Variants in GMEB2 observed in about 807,000 individuals in gnomAD.
The protein encoded by GMEB2 is glucocorticoid modulatory element binding protein 2.
Under a neutral mutation model 45.7 loss-of-function variants are expected in GMEB2, and 7 were observed. The ratio of observed to expected loss-of-function variants is 0.15; its 90% confidence interval spans 0.09 to 0.29. The LOEUF is 0.29. Ranked by LOEUF, GMEB2 falls within the 10% of genes least tolerant of loss-of-function variation. The pLI, the probability that GMEB2 is intolerant of heterozygous loss-of-function variation, is 1.00. For synonymous variants in GMEB2, 322 were observed against 323.6 expected (o/e 1.00, Z 0.05); for missense variants, 582 against 739.2 (o/e 0.79, Z 2.47).
At chr20:63,626,766 C>T (rs2089677672) in intron 1 of GMEB2, among the ~76,000 whole-genome samples, 190 bp downstream of exon 1, 1 of 146,828 alleles carries the variant, frequency 6.8e-6, no homozygotes, top group African/African-American at 2.4e-5. Context: ...CCCGCCACCG[C>T]CCGCGCCGCC....
chr20:63,622,127 A>C (rs1459477238), intron 1 of GMEB2, among the ~76,000 whole-genome samples: 1 of 152,190 alleles, frequency 6.6e-6, no homozygotes, highest in Non-Finnish European at 1.5e-5. Context: ...AGACCTTGTC[A>C]CAAAAAAAAG....
intron 2 of GMEB2, among the ~76,000 whole-genome samples, chr20:63,614,540 A>T (rs573152744): frequency 6.6e-6 from 1 of 151,640 alleles, no homozygotes; most frequent in African/African-American, 2.4e-5. Flanking sequence ...TCCCCGGGGG[A>T]GTTTAGAGAA....
Position 63,589,952 on chromosome 20 carries a change from G to T in GMEB2, c.*137C>A. ...CTTCTCTCTTCTCGTGATTTGTTTTGGCGATTCCTCTCTTTGGTTCTGCAG... is the reference window on the plus strand; with the variant it reads ...CTTCTCTCTTCTCGTGATTTGTTTTTGCGATTCCTCTCTTTGGTTCTGCAG... On this transcript the variant is annotated 3_prime_UTR_variant, in exon 10 of 10. Coordinates refer to ENST00000370077, the MANE Select transcript of GMEB2 (RefSeq NM_012384.5). 1 of 609,464 alleles carries T rather than the reference G, an allele frequency of 1.6e-6. No homozygotes were observed. Among genetic ancestry groups the T allele is most frequent in the Non-Finnish European group, 2.6e-6 (1 of 380,708 alleles). 37.8% of individuals were successfully genotyped at this position (609,464 alleles called of 1,614,324 possible). A position where few individuals can be genotyped will look rare whatever the true frequency, so the allele number is the denominator to read the frequency against.
chr20:63,625,651 G>C (rs2089666074), intron 1 of GMEB2, among the ~76,000 whole-genome samples: 1 of 151,710 alleles, frequency 6.6e-6, no homozygotes, highest in African/African-American at 2.4e-5. Context: ...AGGCTGGAGT[G>C]CAATGGCACC....
At chr20:63,595,979 C>T (rs2083197184) in intron 5 of GMEB2, among the ~76,000 whole-genome samples, 1 of 152,204 alleles carries the variant, frequency 6.6e-6, no homozygotes, top group African/African-American at 2.4e-5. Context: ...CAGGCCCACG[C>T]TACGGCACTG....
chr20:63,603,115 G>C, intron 3 of GMEB2, 23 bp from the exon 4 acceptor site: 1 of 1,613,050 alleles, frequency 6.2e-7, no homozygotes, highest in Non-Finnish European at 8.5e-7. Flanking sequence ...ACATTGACAG[G>C]GAAGGGTAAA....
Position 63,590,214 on chromosome 20 carries a change from C to G in GMEB2, c.1468G>C (p.Val490Leu). The change falls in exon 10 of 10, where the codon GTG (valine) becomes CTG (leucine). Residue 490 changes from valine to leucine, a missense_variant. By Grantham distance (32) the Val-to-Leu change is conservative. This residue lies in a region of GMEB2 where 462 missense variants were observed against 586.7 expected (regional missense o/e 0.79). Transcript: ENST00000370077. ...LPGLGPTLQN[V>L]AQASPGSSTI... ...CTGGAGCCAGGCGAGGCCTGGGCCA[C>G]GTTCTGCAGGGTGGGGCCCAGGCCA... 5.0e-6 allele frequency: 8 copies of G among 1,609,360 alleles called. No homozygotes were observed. The highest frequency in any genetic ancestry group is 6.8e-6 in the Non-Finnish European group (8 of 1,178,788).
In GMEB2 at chr20:63,589,833, C is replaced by A; in HGVS notation, c.*256G>T. ...CCAATGTGTAAACAGTATTAATAAG[C>A]AACAGATGGAAAAATATATTTCCCA... On this transcript the variant is annotated 3_prime_UTR_variant, in exon 10 of 10. Coordinates refer to ENST00000370077, the MANE Select transcript of GMEB2 (RefSeq NM_012384.5). 2.4e-6 allele frequency: 1 copy of A among 415,488 alleles called. No individual in the cohort carries two copies. The highest frequency in any genetic ancestry group is 3.6e-5 in the East Asian group (1 of 27,888). 25.7% of individuals were successfully genotyped at this position (415,488 alleles called of 1,614,324 possible).
intron 2 of GMEB2, among the ~76,000 whole-genome samples, chr20:63,606,533 G>C (rs1231694288): frequency 6.6e-6 from 1 of 152,082 alleles, no homozygotes; most frequent in African/African-American, 2.4e-5. Context: ...ATTTTTGTTA[G>C]AGACAGGGTT....
intron 5 of GMEB2, among the ~76,000 whole-genome samples, chr20:63,597,465 C>T (rs935303227): frequency 1.3e-5 from 2 of 152,126 alleles, no homozygotes; most frequent in Non-Finnish European, 2.9e-5. Flanking sequence ...GCCCAGCCAA[C>T]CCTTTATTTT....
At chr20:63,597,896 C>T (rs369282655) in intron 4 of GMEB2, 36 bp from the exon 5 acceptor site, 8 of 1,216,726 alleles carry the variant, frequency 6.6e-6, no homozygotes, top group East Asian at 2.3e-5. Flanking sequence ...CAAGCTTGGC[C>T]GGGACACCAC....
At position 63,592,475 on chromosome 20, in the gene GMEB2, C is replaced by A; in HGVS notation, c.829+58G>T. The A allele has an allele frequency of 4.2e-6, 6 of 1,433,054 alleles. No homozygotes were observed. The highest frequency in any genetic ancestry group is 5.8e-6 in the Non-Finnish European group (6 of 1,033,026). The allele number at this position is 1,433,054 out of a possible 1,614,324, so 88.8% of individuals were successfully genotyped here. Reference sequence around the variant, plus strand: ...AGGGGCAGGAGGGCCAGTGGCCTCACCTCCTGCAGAGACTCCTGGGCTGAG... The same window carrying A: ...AGGGGCAGGAGGGCCAGTGGCCTCAACTCCTGCAGAGACTCCTGGGCTGAG... On this transcript the variant is annotated intron_variant, in intron 8 of 9. Coordinates refer to ENST00000370077, the MANE Select transcript of GMEB2 (RefSeq NM_012384.5). This position sits in a 1 kb window ranked among gnomAD's most constrained non-coding sequence, Gnocchi z 8.2.
intron 1 of GMEB2, 133 bp downstream of exon 1, chr20:63,626,823 C>T (rs2089678346): frequency 6.8e-6 from 1 of 146,998 alleles, no homozygotes; most frequent in Admixed American, 6.8e-5. Context: ...GCGCGGCCGC[C>T]CCTCCCCCGG....
chr20:63,623,032 C>T (rs1050086514), intron 1 of GMEB2, among the ~76,000 whole-genome samples: 2 of 152,154 alleles, frequency 1.3e-5, no homozygotes, highest in South Asian at 2.1e-4. Flanking sequence ...CACAGGAACA[C>T]TACTCAAAGT....
rs1008116907 is a variant in GMEB2 at position 63,588,768 on chromosome 20, C to G, written c.*1321G>C. 2 of 398,592 alleles carry G rather than the reference C, an allele frequency of 5.0e-6. No individual in the cohort carries two copies. The highest frequency in any genetic ancestry group is 4.1e-5 in the African/African-American group (2 of 48,648). The allele number at this position is 398,592 out of a possible 1,614,324, so 24.7% of individuals were successfully genotyped here. A position where few individuals can be genotyped will look rare whatever the true frequency, so the allele number is the denominator to read the frequency against. On this transcript the variant is annotated 3_prime_UTR_variant, in exon 10 of 10. Coordinates refer to ENST00000370077, the MANE Select transcript of GMEB2 (RefSeq NM_012384.5). The stretch of plus-strand genomic sequence containing the variant: ...CAGGAGCGTCCAGGGGAATCTGGCA[C>G]TCAGGGTCCTCCCGGGACATGCCCT...
In GMEB2 at chr20:63,595,319, T is replaced by C. The variant is rs543079977; in HGVS notation, c.619+291A>G. ...GGGCCGGGTGGGCGCCCAGGCACTC[T>C]CTGTTACTCGCTATACCCTTCCCCA... On this transcript the variant is annotated intron_variant, in intron 6 of 9. Coordinates refer to ENST00000370077, the MANE Select transcript of GMEB2 (RefSeq NM_012384.5). Among the ~76,000 whole-genome samples, 374 of 152,122 alleles carry C rather than the reference T, an allele frequency of 2.5e-3. 4 individuals carry two copies. The highest frequency in any genetic ancestry group is 8.6e-3 in the African/African-American group (356 of 41,442).
At chr20:63,602,712 G>A (rs1048873443) in intron 4 of GMEB2, among the ~76,000 whole-genome samples, 1 of 152,084 alleles carries the variant, frequency 6.6e-6, no homozygotes, top group African/African-American at 2.4e-5. Flanking sequence ...GCTCTCACTG[G>A]ATCTGCTGGG....
chr20:63,603,321 TC>T (rs1425066143), intron 3 of GMEB2, among the ~76,000 whole-genome samples: 2 of 152,174 alleles, frequency 1.3e-5, no homozygotes, highest in Non-Finnish European at 2.9e-5. Context: ...TTAACAGAAT[TC>T]CATTAAACTA....
intron 4 of GMEB2, among the ~76,000 whole-genome samples, chr20:63,602,696 G>A (rs2083250257): frequency 6.6e-6 from 1 of 152,186 alleles, no homozygotes; most frequent in South Asian, 2.1e-4. Context: ...CAGCCTTTTT[G>A]GAGCAGCTCT....
Sources: gnomAD v4.1 joint callset for allele counts (sites outside exome capture counted in the v4.1 genomes callset) on GRCh38, gnomAD v4.1.1 for gene constraint, gnomAD v4.1.1 regional missense constraint, Gnocchi (gnomAD v3.1) non-coding constraint, MANE v1.5 for transcripts, NCBI Gene and HGNC (gene_info 2026-07-23, HGNC 2026-07-21) for gene names.